Variants in KIRREL3 observed in about 807,000 individuals in gnomAD.
KIRREL3 encodes the protein kirre like nephrin family adhesion molecule 3.
Under a neutral mutation model 89.7 loss-of-function variants are expected in KIRREL3, and 36 were observed. The ratio of observed to expected loss-of-function variants is 0.40; its 90% CI spans 0.31 to 0.53. The LOEUF is 0.53. KIRREL3 is among the 20% of genes least tolerant of loss of function. The pLI is 0.49. For missense variants in KIRREL3, 864 were observed against 1,056.6 expected (o/e 0.82, Z 2.53); for synonymous variants, 445 against 441.4 (o/e 1.01, Z -0.10).
Position 126,892,938 on chromosome 11 carries a change from G to A in KIRREL3, c.55+107517C>T, listed in dbSNP as rs887884988. On this transcript the variant is annotated intron_variant, in intron 1 of 16. Coordinates refer to ENST00000525144, the MANE Select transcript of KIRREL3 (RefSeq NM_032531.4). The surrounding 1 kb of genome is among the most constrained non-coding windows in gnomAD (Gnocchi z 5.4). Reference sequence around the variant, plus strand: ...TGCTGCAGAATCGGGCTAGGATAGGGCTGAGTATTCTAATTGCCTGTGGGA... The same window carrying A: ...TGCTGCAGAATCGGGCTAGGATAGGACTGAGTATTCTAATTGCCTGTGGGA... Among the ~76,000 whole-genome samples the A allele has an allele frequency of 2.0e-5, 3 of 152,218 alleles. No individual in the cohort carries two copies. The highest frequency in any genetic ancestry group is 7.2e-5 in the African/African-American group (3 of 41,460).
intron 1 of KIRREL3, among the ~76,000 whole-genome samples, chr11:126,756,197 T>C (rs1321178280): frequency 6.6e-6 from 1 of 152,208 alleles, no homozygotes; most frequent in Non-Finnish European, 1.5e-5. Flanking sequence ...TTAACAATGA[T>C]GATAATCATT....
chr11:126,623,361 C>T lies in KIRREL3; in HGVS notation c.56-60449G>A, dbSNP rs954720483. ...GATCGACACATGGATGAAGGGAGCC[C>T]TCTGAATTCTCCCACATCTCTGGGC... On this transcript the variant is annotated intron_variant, in intron 1 of 16. Coordinates refer to ENST00000525144, the MANE Select transcript of KIRREL3 (RefSeq NM_032531.4). The surrounding 1 kb of genome is among the most constrained non-coding windows in gnomAD (Gnocchi z 4.1). 6.6e-6 allele frequency among the ~76,000 whole-genome samples: 1 copy of T among 152,138 alleles called. No individual in the cohort carries two copies. Among genetic ancestry groups the T allele is most frequent in the Admixed American group, 6.5e-5 (1 of 15,280 alleles).
Position 126,710,523 on chromosome 11 carries a change from C to T in KIRREL3, c.56-147611G>A, listed in dbSNP as rs1435002020. Among the ~76,000 whole-genome samples, 5 of 152,124 alleles carry T rather than the reference C, an allele frequency of 3.3e-5. No homozygotes were observed. The highest frequency in any genetic ancestry group is 4.4e-5 in the Non-Finnish European group (3 of 68,016). ...ATACATTCTTTAAAGCTCCAGTTAA[C>T]GTGTATGCAGATGGGAGCTTGGAGG... On this transcript the variant is annotated intron_variant, in intron 1 of 16. Coordinates refer to ENST00000525144, the MANE Select transcript of KIRREL3 (RefSeq NM_032531.4). The surrounding 1 kb of genome is among the most constrained non-coding windows in gnomAD (Gnocchi z 4.2).
chr11:126,678,079 C>T (rs545848832), intron 1 of KIRREL3, among the ~76,000 whole-genome samples: 19 of 152,196 alleles, frequency 1.2e-4, no homozygotes, highest in Non-Finnish European at 2.2e-4. Flanking sequence ...TATGGTTATA[C>T]GCGGTAATGA....
At chr11:126,438,592 AT>A (rs1352521892) in intron 11 of KIRREL3, among the ~76,000 whole-genome samples, 6 of 152,360 alleles carry the variant, frequency 3.9e-5, no homozygotes, top group Non-Finnish European at 7.3e-5. Flanking sequence ...AGAATCAGAT[AT>A]TTCTGGAGAG....
Position 126,684,010 on chromosome 11 carries a change from C to T in KIRREL3, c.56-121098G>A, listed in dbSNP as rs978370357. Among the ~76,000 whole-genome samples, 1 of 152,230 alleles carries T rather than the reference C, an allele frequency of 6.6e-6. No homozygotes were observed. Among genetic ancestry groups the T allele is most frequent in the African/African-American group, 2.4e-5 (1 of 41,472 alleles). On this transcript the variant is annotated intron_variant, in intron 1 of 16. Coordinates refer to ENST00000525144, the MANE Select transcript of KIRREL3 (RefSeq NM_032531.4). The surrounding 1 kb of genome is among the most constrained non-coding windows in gnomAD (Gnocchi z 4.2). ...CAGGGTTTGGCTCCGGGTTTTTGGG[C>T]AGCTCCGCCTTCATACCGAAGGCAG... is the stretch of plus-strand genomic sequence containing the variant.
Position 126,476,043 on chromosome 11 carries a change from C to T in KIRREL3, c.434-2577G>A, listed in dbSNP as rs1195299367. ...AGTGACTGTGGAAAGTGCCTGAGAG[C>T]AGAGGGTGGAGCAGGAAGCCCCTTC... On this transcript the variant is annotated intron_variant, in intron 4 of 16. Transcript: ENST00000525144. The surrounding 1 kb of genome is among the most constrained non-coding windows in gnomAD (Gnocchi z 6.4). 1.3e-5 allele frequency among the ~76,000 whole-genome samples: 2 copies of T among 152,174 alleles called. No individual in the cohort carries two copies. Among genetic ancestry groups the T allele is most frequent in the East Asian group, 1.9e-4 (1 of 5,192 alleles).
rs1943632054 is a variant in KIRREL3, at chr11:126,622,913, T to C, written c.56-60001A>G. Among the ~76,000 whole-genome samples, 1 of 152,178 alleles carries C rather than the reference T, an allele frequency of 6.6e-6. No homozygotes were observed. Among genetic ancestry groups the C allele is most frequent in the South Asian group, 2.1e-4 (1 of 4,822 alleles). On this transcript the variant is annotated intron_variant, in intron 1 of 16. Transcript: ENST00000525144. This position sits in a 1 kb window ranked among gnomAD's most constrained non-coding sequence, Gnocchi z 5.2. ...AAAGCAGATACTATCATTAGCTACA[T>C]TTCATAATGAGGAAATGGAAGTACC...
At chr11:126,460,004 A>G (rs1004506805) in intron 6 of KIRREL3, among the ~76,000 whole-genome samples, 6 of 152,140 alleles carry the variant, frequency 3.9e-5, no homozygotes, top group African/African-American at 1.4e-4. Flanking sequence ...GACTGAGAAA[A>G]TGAGCAGGTT....
chr11:126,532,147 A>G (rs992088572), intron 2 of KIRREL3, among the ~76,000 whole-genome samples: 1 of 152,142 alleles, frequency 6.6e-6, no homozygotes, highest in Non-Finnish European at 1.5e-5. Context: ...AATTAACCAC[A>G]TTTTATAGAT....
At chr11:126,887,904 A>G (rs1189385682) in intron 1 of KIRREL3, among the ~76,000 whole-genome samples, 1 of 152,136 alleles carries the variant, frequency 6.6e-6, no homozygotes, top group Non-Finnish European at 1.5e-5. Flanking sequence ...AGCACAGGAG[A>G]GAGGGGGTGG....
rs1054973827 is a variant in KIRREL3 at position 126,883,772 on chromosome 11, T to TA, written c.55+116682dup. On this transcript the variant is annotated intron_variant, in intron 1 of 16. Coordinates refer to ENST00000525144, the MANE Select transcript of KIRREL3 (RefSeq NM_032531.4). This position sits in a 1 kb window ranked among gnomAD's most constrained non-coding sequence, Gnocchi z 4.1. ...ACAGGCTGGATTTTCTAAAAGCTAC[T>TA]AAAAAAATGCTTGTTTGAAATTAAA... is the stretch of plus-strand genomic sequence containing the variant. 6.6e-6 allele frequency among the ~76,000 whole-genome samples: 1 copy of TA among 152,116 alleles called. No individual in the cohort carries two copies. Among genetic ancestry groups the TA allele is most frequent in the African/African-American group, 2.4e-5 (1 of 41,416 alleles).
chr11:126,472,822 A>G (rs1255903756), intron 5 of KIRREL3, among the ~76,000 whole-genome samples: 1 of 151,914 alleles, frequency 6.6e-6, no homozygotes, highest in Non-Finnish European at 1.5e-5. Flanking sequence ...TGAGAGAGCA[A>G]AAAAAGATAC....
intron 1 of KIRREL3, among the ~76,000 whole-genome samples, chr11:126,633,099 TA>T (rs1271943155): frequency 6.6e-6 from 1 of 151,906 alleles, no homozygotes; most frequent in Admixed American, 6.6e-5. Flanking sequence ...TAAATAAACT[TA>T]AAAAATCATT....
intron 1 of KIRREL3, among the ~76,000 whole-genome samples, chr11:126,779,790 T>C (rs906950129): frequency 2.9e-5 from 4 of 137,496 alleles, no homozygotes; most frequent in African/African-American, 9.9e-5. Flanking sequence ...GCCATCATTA[T>C]GATGCCTTCT....
intron 1 of KIRREL3, among the ~76,000 whole-genome samples, chr11:126,759,811 A>C (rs2134265499): frequency 6.6e-6 from 1 of 152,322 alleles, no homozygotes; most frequent in South Asian, 2.1e-4. Flanking sequence ...CTCAAAGTGA[A>C]GAATCACAGA....
chr11:126,581,964 T>C (rs1287396570), intron 1 of KIRREL3, among the ~76,000 whole-genome samples: 2 of 152,158 alleles, frequency 1.3e-5, no homozygotes, highest in Non-Finnish European at 2.9e-5. Flanking sequence ...CAAGGGCATG[T>C]ATTCATTGTT....
chr11:126,856,599 A>G (rs1944522278), intron 1 of KIRREL3, among the ~76,000 whole-genome samples: 2 of 95,330 alleles, frequency 2.1e-5, no homozygotes, highest in African/African-American at 8.9e-5. Flanking sequence ...ATATATATGT[A>G]TATATACACA....
At chr11:126,542,753 A>G (rs1310562980) in intron 2 of KIRREL3, among the ~76,000 whole-genome samples, 2 of 152,250 alleles carry the variant, frequency 1.3e-5, no homozygotes, top group African/African-American at 4.8e-5. Context: ...TAAAATAAGA[A>G]GCTGTGAAAT....
Sources: gnomAD v4.1 joint callset for allele counts (sites outside exome capture counted in the v4.1 genomes callset) on GRCh38, gnomAD v4.1.1 for gene constraint, Gnocchi (gnomAD v3.1) non-coding constraint, MANE v1.5 for transcripts, NCBI Gene and HGNC (gene_info 2026-07-23, HGNC 2026-07-21) for gene names.